The following DGKK variants were observed in gnomAD, a reference collection of about 807,000 sequenced individuals.
The protein encoded by DGKK is 142 kDa diacylglycerol kinase.
Under a neutral mutation model 92.2 loss-of-function variants are expected in DGKK, and 35 were observed. The ratio of observed to expected loss-of-function variants is 0.38; its 90% CI spans 0.29 to 0.50. DGKK has a LOEUF of 0.50. DGKK is among the 20% of genes least tolerant of loss of function. The probability of loss-of-function intolerance (pLI) is 0.92; values close to 1 mark genes in which losing one functional copy is unlikely to be tolerated. For missense variants in DGKK, 910 were observed against 992.2 expected (o/e 0.92, Z 1.11); for synonymous variants, 368 against 360.6 (o/e 1.02, Z -0.23).
intron 4 of DGKK, among the ~76,000 whole-genome samples, chrX:50,416,584 T>C (rs1925439662): frequency 8.9e-6 from 1 of 112,196 alleles, no homozygotes; most frequent in African/African-American, 3.2e-5. Context: ...TGGTTTGTGC[T>C]TTAATGTGAA....
At chrX:50,373,809 A>T (rs150034834) in intron 25 of DGKK, among the ~76,000 whole-genome samples, 7 of 112,486 alleles carry the variant, frequency 6.2e-5, no homozygotes, top group Admixed American at 2.8e-4. Flanking sequence ...GTGGATGATC[A>T]TAATTAGTCA....
intron 1 of DGKK, among the ~76,000 whole-genome samples, chrX:50,431,013 C>T (rs1569544857): frequency 3.6e-5 from 4 of 110,714 alleles, no homozygotes; most frequent in Admixed American, 9.7e-5. Flanking sequence ...CTATCTGCTA[C>T]ATCTGTTTTT....
rs1569545327 is a variant in DGKK, at chrX:50,470,217, G to A, written c.462C>T (p.Thr154=). 8.3e-7 allele frequency: 1 copy of A among 1,211,491 alleles called. No individual in the cohort carries two copies. The highest frequency in any genetic ancestry group is 1.1e-6 in the Non-Finnish European group (1 of 895,293). ...EVAPELAPEP[T]PEPVTELAPE... Reference sequence around the variant, plus strand: ...GGGCCAGCTCTGTCACAGGTTCTGGGGTCGGCTCTGGGGCCAGCTCTGGGG... The same window carrying A: ...GGGCCAGCTCTGTCACAGGTTCTGGAGTCGGCTCTGGGGCCAGCTCTGGGG... The change falls in exon 1 of 28, where the codon ACC becomes ACT. Residue 154 remains threonine (T), a synonymous_variant. Coordinates refer to ENST00000611977, the MANE Select transcript of DGKK (RefSeq NM_001013742.4).
At chrX:50,371,169 T>C (rs1924114710) in intron 26 of DGKK, among the ~76,000 whole-genome samples, 1 of 112,563 alleles carries the variant, frequency 8.9e-6, no homozygotes, top group South Asian at 3.7e-4. Context: ...AGTATGCTTG[T>C]TTTACTACTG....
intron 1 of DGKK, among the ~76,000 whole-genome samples, chrX:50,463,093 G>A (rs1430292158): frequency 9.4e-6 from 1 of 105,853 alleles, no homozygotes; most frequent in Admixed American, 1.0e-4. Flanking sequence ...GTAGTCATCA[G>A]GAATAATACG....
At chrX:50,427,454 C>T (rs182028043) in intron 1 of DGKK, among the ~76,000 whole-genome samples, 88 of 109,757 alleles carry the variant, frequency 8.0e-4, no homozygotes, top group Non-Finnish European at 2.7e-4. Context: ...ATACATTTGT[C>T]AAAACTCATA....
At chrX:50,462,882 CTTTTTTTTTT>C (rs548003185) in intron 1 of DGKK, among the ~76,000 whole-genome samples, 3 of 15,766 alleles carry the variant, frequency 1.9e-4, no homozygotes, top group Non-Finnish European at 5.4e-4. Flanking sequence ...CCTTTCCTTG[CTTTTTTTTTT>C]TTTTTTTTTT....
intron 25 of DGKK, 117 bp downstream of exon 25, chrX:50,374,854 C>T: frequency 3.5e-6 from 2 of 565,271 alleles, no homozygotes; most frequent in Non-Finnish European, 5.8e-6. Context: ...GACTTCCAGG[C>T]AAGCACCTGG....
intron 21 of DGKK, 52 bp downstream of exon 21, chrX:50,378,526 T>G (rs1924328616): frequency 9.7e-7 from 1 of 1,025,651 alleles, no homozygotes; most frequent in African/African-American, 1.9e-5. Context: ...ACATCCTGGG[T>G]AGCAGTCAAA....
rs1569544132 is a variant in DGKK, at chrX:50,378,607, T to G, written c.2947A>C (p.Ile983Leu). The G allele has an allele frequency of 1.7e-6, 2 of 1,207,653 alleles. No homozygotes were observed. Among genetic ancestry groups the G allele is most frequent in the Non-Finnish European group, 2.2e-6 (2 of 894,114 alleles). Residue 983 changes from isoleucine to leucine, a missense_variant, in exon 21 of 28, where the codon ATC becomes CTC. Transcript: ENST00000611977. The part of the protein sequence containing the change: ...GSVQMAMSRI[I>L]NLHHHRIAQC... ...GCAATGCGATGATGATGCAGGTTGA[T>G]GATACGGGACATTGCCATCTGCACA... is the stretch of plus-strand genomic sequence containing the variant.
At chrX:50,371,681 A>T in intron 26 of DGKK, 43 bp downstream of exon 26, 1 of 979,727 alleles carries the variant, frequency 1.0e-6, no homozygotes, top group Non-Finnish European at 1.4e-6. Context: ...ACTAAGGAAG[A>T]ATCCCTCTTT....
intron 10 of DGKK, 39 bp downstream of exon 10, chrX:50,392,302 T>C (rs782603269): frequency 4.1e-5 from 44 of 1,082,338 alleles, no homozygotes; most frequent in Non-Finnish European, 5.5e-5. Flanking sequence ...ACCCCTACTC[T>C]TTCTAGCAAT....
At position 50,404,933 on chromosome X, in the gene DGKK, G is replaced by A. The variant is rs187069932; in HGVS notation, c.943-749C>T. On this transcript the variant is annotated intron_variant, in intron 4 of 27. Transcript: ENST00000611977. ...GAGCAGAGCATTGCTTTACCTGGAC[G>A]ACAGTTTCATCTCAGGGGATTCTTT... Among the ~76,000 whole-genome samples, 536 of 110,998 alleles carry A rather than the reference G, an allele frequency of 4.8e-3. 2 individuals are homozygous for A. The highest frequency in any genetic ancestry group is 8.2e-3 in the Non-Finnish European group (436 of 52,917).
intron 26 of DGKK, among the ~76,000 whole-genome samples, chrX:50,371,117 G>A (rs1924113166): frequency 8.9e-6 from 1 of 112,786 alleles, no homozygotes; most frequent in South Asian, 3.7e-4. Flanking sequence ...TCTCTGCTGT[G>A]CAGATCATGC....
At chrX:50,423,204 C>T (rs1354844195) in intron 2 of DGKK, among the ~76,000 whole-genome samples, 2 of 112,213 alleles carry the variant, frequency 1.8e-5, no homozygotes, top group African/African-American at 3.2e-5. Context: ...TGCATATGAG[C>T]AGAGGAGATA....
chrX:50,382,449 T>C (rs1924435718), intron 18 of DGKK, 47 bp downstream of exon 18: 2 of 925,414 alleles, frequency 2.2e-6, no homozygotes, highest in Non-Finnish European at 3.1e-6. Context: ...CGTATGTGTA[T>C]TGTGATAGTG....
At chrX:50,404,267 C>A in intron 4 of DGKK, 83 bp from the exon 5 acceptor site, 4 of 1,053,186 alleles carry the variant, frequency 3.8e-6, no homozygotes, top group Non-Finnish European at 5.1e-6. Flanking sequence ...GCTGCTAAGT[C>A]TAAAATGGCC....
chrX:50,382,675 T>C, intron 17 of DGKK, 72 bp from the exon 18 acceptor site: 1 of 833,483 alleles, frequency 1.2e-6, no homozygotes. Context: ...GGCATGAAGA[T>C]GAATCTGCAT....
intron 1 of DGKK, among the ~76,000 whole-genome samples, chrX:50,467,524 ATTTTG>A (rs1926937782): frequency 8.9e-6 from 1 of 112,711 alleles, no homozygotes; most frequent in Non-Finnish European, 1.9e-5. Flanking sequence ...TGAGACCTGT[ATTTTG>A]TTTTGTTCCC....
Sources: gnomAD v4.1 joint callset for allele counts (sites outside exome capture counted in the v4.1 genomes callset) on GRCh38, gnomAD v4.1.1 for gene constraint, MANE v1.5 for transcripts, NCBI Gene and HGNC (gene_info 2026-07-23, HGNC 2026-07-21) for gene names.